Variants in KIF17 observed in about 807,000 individuals in gnomAD.
KIF17 encodes the protein kinesin family member 17, also known as kinesin-like protein KIF17.
A neutral mutation model predicts 96.8 loss-of-function variants in KIF17; 80 were observed. The ratio of observed to expected loss-of-function variants is 0.83; its 90% CI spans 0.69 to 1.00. The LOEUF is 1.00. KIF17 is among the 50% of genes least tolerant of loss of function. The pLI is 0.00. For synonymous variants in KIF17, 567 were observed against 587.5 expected (o/e 0.97, Z 0.51); for missense variants, 1,280 against 1,372.9 (o/e 0.93, Z 1.07).
intron 4 of KIF17, among the ~76,000 whole-genome samples, chr1:20,706,589 TCAACAA>T (rs35151796): frequency 2.0e-5 from 3 of 150,736 alleles, no homozygotes; most frequent in Non-Finnish European, 3.0e-5. Flanking sequence ...AGATTCTGTC[TCAACAA>T]CAACAACAAC....
Position 20,709,759 on chromosome 1 carries a change from G to A in KIF17, c.550C>T (p.Gln184Ter). The A allele has an allele frequency of 6.2e-7, 1 of 1,614,124 alleles. No individual in the cohort carries two copies. ...CCAGTCTCCATGATGTGCTCACACT[G>A]GGCCACGCTGTGCACCGTGTGCATG... ...LSMHTVHSVAQCEHIMETGWK... is the reference protein window; with the variant it reads ...LSMHTVHSVA Residue 184 changes from glutamine (Q) to a stop codon, truncating the protein, a stop_gained, in exon 4 of 15, where the codon CAG (glutamine) becomes TAG (stop). Coordinates refer to ENST00000400463, the MANE Select transcript of KIF17 (RefSeq NM_001122819.3). LOFTEE classifies it high-confidence loss of function. The surrounding 1 kb of genome is among the most constrained non-coding windows in gnomAD (Gnocchi z 4.7).
At chr1:20,696,348 G>A (rs540091482) in intron 6 of KIF17, among the ~76,000 whole-genome samples, 71 of 152,220 alleles carry the variant, frequency 4.7e-4, no homozygotes, top group African/African-American at 1.5e-3. Context: ...CAGGAGGGAC[G>A]CAGGGATAGC....
Position 20,690,212 on chromosome 1 carries a change from C to G in KIF17, c.1357G>C (p.Glu453Gln). The change falls in exon 7 of 15, where the codon GAG becomes CAG. Residue 453 changes from glutamate to glutamine, a missense_variant. Coordinates refer to ENST00000400463, the MANE Select transcript of KIF17 (RefSeq NM_001122819.3). ...CCTGTCTCCTTCCGCAGGTTCTCCT[C>G]CAGCGTGGACAGCCTGACGTCATAT... ...NSYDVRLSTL[E>Q]ENLRKETEAV... 1.2e-6 allele frequency: 2 copies of G among 1,614,136 alleles called. No homozygotes were observed. Among genetic ancestry groups the G allele is most frequent in the Non-Finnish European group, 1.7e-6 (2 of 1,180,030 alleles).
In KIF17 at chr1:20,709,672, T is replaced by G; in HGVS notation, c.637A>C (p.Ile213Leu). Residue 213 changes from isoleucine (I) to leucine (L), a missense_variant, in exon 4 of 15, where the codon ATC becomes CTC. Physicochemically the swap from Ile to Leu is conservative, Grantham distance 5 (BLOSUM62 2). Coordinates refer to ENST00000400463, the MANE Select transcript of KIF17 (RefSeq NM_001122819.3). This position sits in a 1 kb window ranked among gnomAD's most constrained non-coding sequence, Gnocchi z 4.7. ...GACATCTCGATGCTGATGGTGAAGA[T>G]GGAGTGCGAGCGTGAGGAATCCTTG... ...MNKDSSRSHS[I>L]FTISIEMSAV... 1 of 1,614,072 alleles carries G rather than the reference T, an allele frequency of 6.2e-7. No individual in the cohort carries two copies. The highest frequency in any genetic ancestry group is 8.5e-7 in the Non-Finnish European group (1 of 1,180,028).
chr1:20,713,254 C>A (rs1026059912), intron 3 of KIF17, among the ~76,000 whole-genome samples, 200 bp downstream of exon 3: 1 of 151,120 alleles, frequency 6.6e-6, no homozygotes, highest in Non-Finnish European at 1.5e-5. Context: ...CCTTGGCCTC[C>A]CAAAGTGTTA....
At position 20,687,314 on chromosome 1, in the gene KIF17, C is replaced by T; in HGVS notation, c.1938+74G>A. On this transcript the variant is annotated intron_variant, in intron 8 of 14. Coordinates refer to ENST00000400463, the MANE Select transcript of KIF17 (RefSeq NM_001122819.3). The surrounding 1 kb of genome is among the most constrained non-coding windows in gnomAD (Gnocchi z 4.4). ...AGGCCATGTGTGTGAACAGTGTGTG[C>T]ACAGTGAGCTCCGGGCCCTGGGCAA... 1 of 1,509,454 alleles carries T rather than the reference C, an allele frequency of 6.6e-7. No individual in the cohort carries two copies. Among genetic ancestry groups the T allele is most frequent in the Non-Finnish European group, 9.2e-7 (1 of 1,087,642 alleles). 93.5% of individuals were successfully genotyped at this position (1,509,454 alleles called of 1,614,324 possible).
At position 20,691,624 on chromosome 1, in the gene KIF17, A is replaced by AT. The variant is rs72410884; in HGVS notation, c.1234-1290dup. ...CAGTTGTCCACCACCACGTCTGGCT[A>AT]TTTTTTTTTTTTTTTTTTTTTTTTA... On this transcript the variant is annotated intron_variant, in intron 6 of 14. Transcript: ENST00000400463. Among the ~76,000 whole-genome samples, 489 of 122,976 alleles carry AT rather than the reference A, an allele frequency of 4.0e-3. 5 individuals carry two copies. Among genetic ancestry groups the AT allele is most frequent in the South Asian group, 5.3e-3 (18 of 3,420 alleles). The allele number at this position is 122,976 out of a possible 152,430, so 80.7% of individuals were successfully genotyped here.
intron 14 of KIF17, among the ~76,000 whole-genome samples, chr1:20,665,219 CTTTTTTTTTTTTTT>C (rs59635021): frequency 1.6e-5 from 1 of 61,258 alleles, no homozygotes; most frequent in Non-Finnish European, 2.7e-5. Flanking sequence ...CAAATTTGCT[CTTTTTTTTTTTTTT>C]TTTTTTTTTT....
intron 4 of KIF17, among the ~76,000 whole-genome samples, chr1:20,707,501 G>A (rs550000286): frequency 9.9e-5 from 15 of 152,238 alleles, no homozygotes; most frequent in East Asian, 7.7e-4. Flanking sequence ...TGGGCTGGGC[G>A]CAGTGGCTCA....
Position 20,690,352 on chromosome 1 carries a change from G to GGGCGCA in KIF17, c.1234-18_1234-17insTGCGCC. ...TTCATACTCCTGGGGGGGTGGGAGGGACCAGAGGGCAGGCAGCATTTTATC... is the reference window on the plus strand; with the variant it reads ...TTCATACTCCTGGGGGGGTGGGAGGGGGCGCAACCAGAGGGCAGGCAGCATTTTATC... On this transcript the variant is annotated splice_polypyrimidine_tract_variant and intron_variant, in intron 6 of 14. Transcript: ENST00000400463. The GGGCGCA allele has an allele frequency of 8.9e-6, 4 of 451,166 alleles. No homozygotes were observed. The highest frequency in any genetic ancestry group is 1.3e-5 in the Non-Finnish European group (3 of 235,144). 27.9% of individuals were successfully genotyped at this position (451,166 alleles called of 1,614,324 possible).
intron 6 of KIF17, among the ~76,000 whole-genome samples, chr1:20,694,539 T>G (rs1019551858): frequency 6.6e-6 from 1 of 152,118 alleles, no homozygotes; most frequent in Non-Finnish European, 1.5e-5. Flanking sequence ...CCTGCCACTG[T>G]AGTAAGCCAG....
intron 3 of KIF17, among the ~76,000 whole-genome samples, chr1:20,712,841 GATATAGATA>G (rs371593236): frequency 0.3 from 7,789 of 25,864 alleles, 2,119 homozygotes; most frequent in East Asian, 0.67. Flanking sequence ...CTATATTATA[GATATAGATA>G]ATATTATCTA....
At chr1:20,679,290 G>A (rs1024559200) in intron 11 of KIF17, among the ~76,000 whole-genome samples, 2 of 152,032 alleles carry the variant, frequency 1.3e-5, no homozygotes, top group Admixed American at 1.3e-4. Context: ...GGGTAACATA[G>A]CAAGACCCCT....
chr1:20,682,375 G>T (rs2154535711), intron 11 of KIF17, among the ~76,000 whole-genome samples: 1 of 152,310 alleles, frequency 6.6e-6, no homozygotes, highest in South Asian at 2.1e-4. Flanking sequence ...ATTTAATAAA[G>T]TAGCCAGGTG....
At chr1:20,715,791 C>T (rs560361775) in intron 1 of KIF17, 152 bp from the exon 2 acceptor site, 1 of 926,780 alleles carries the variant, frequency 1.1e-6, no homozygotes, top group Non-Finnish European at 1.7e-6. Flanking sequence ...GCAGCTCTGT[C>T]CTCAAGGAGT....
intron 2 of KIF17, 97 bp downstream of exon 2, chr1:20,715,396 G>A (rs958414093): frequency 1.3e-5 from 19 of 1,513,188 alleles, no homozygotes; most frequent in Admixed American, 1.7e-5. Flanking sequence ...GGGTCAGGCC[G>A]GGCTCCAAAG....
In KIF17 at chr1:20,717,821, G is replaced by T; in HGVS notation, c.-115C>A. On this transcript the variant is annotated 5_prime_UTR_variant, in exon 1 of 15. Transcript: ENST00000400463. ...CGGCCACGGGGGGCGGGGCCTTGAG[G>T]CAGGGGCGGGGCCGCGGCGGGGGGC... 1 of 1,140,948 alleles carries T rather than the reference G, an allele frequency of 8.8e-7. No homozygotes were observed. Among genetic ancestry groups the T allele is most frequent in the Non-Finnish European group, 1.1e-6 (1 of 898,978 alleles). 70.7% of individuals were successfully genotyped at this position (1,140,948 alleles called of 1,614,324 possible). A position where few individuals can be genotyped will look rare whatever the true frequency, so the allele number is the denominator to read the frequency against.
rs747061821 is a variant in KIF17 at position 20,709,870 on chromosome 1, C to G, written c.481-42G>C. 3.3e-5 allele frequency: 52 copies of G among 1,552,486 alleles called. 2 individuals carry two copies. The South Asian group carries it at 5.6e-4, about 17-fold the overall frequency. ...AGTCAGGGGCGGAACCTCCAGCCGC[C>G]AAGGGTTAGGACCAGGGATGGTCAA... On this transcript the variant is annotated intron_variant, in intron 3 of 14. Coordinates refer to ENST00000400463, the MANE Select transcript of KIF17 (RefSeq NM_001122819.3). The surrounding 1 kb of genome is among the most constrained non-coding windows in gnomAD (Gnocchi z 4.7).
In KIF17 at chr1:20,715,490, T is replaced by C. The variant is rs2054560752; in HGVS notation, c.378+3A>G. On this transcript the variant is annotated splice_donor_region_variant and intron_variant, in intron 2 of 14. Transcript: ENST00000400463. ...CTGCCCCTTCCCTCTGCGAGGCCCG[T>C]ACCTGGACGCTCTCGAACACGTGCT... 6.2e-7 allele frequency: 1 copy of C among 1,612,098 alleles called. No individual in the cohort carries two copies. The highest frequency in any genetic ancestry group is 1.3e-5 in the African/African-American group (1 of 74,932).
Sources: gnomAD v4.1 joint callset for allele counts (sites outside exome capture counted in the v4.1 genomes callset) on GRCh38, gnomAD v4.1.1 for gene constraint, Gnocchi (gnomAD v3.1) non-coding constraint, MANE v1.5 for transcripts, NCBI Gene and HGNC (gene_info 2026-07-23, HGNC 2026-07-21) for gene names.